Variants in ZNF536 observed in about 807,000 individuals in gnomAD.
ZNF536 encodes zinc finger protein 536.
In ZNF536, 13 loss-of-function variants were observed where a neutral mutation model predicts 84.5. The ratio of observed to expected loss-of-function variants is 0.15; its 90% CI spans 0.10 to 0.24. The LOEUF (loss-of-function observed/expected upper bound fraction) is 0.24. Among genes scored for constraint, ZNF536 ranks in the 10% least tolerant of loss-of-function variants. ZNF536 has a pLI of 1.00. For missense variants in ZNF536, 1,536 were observed against 1,747.5 expected, an observed-to-expected ratio of 0.88 and a Z score of 2.16; for synonymous variants, 811 against 742.5, an observed-to-expected ratio of 1.09 and a Z score of -1.50.
intron 1 of ZNF536, among the ~76,000 whole-genome samples, chr19:30,654,354 A>C (rs899213490): frequency 2.6e-5 from 4 of 152,028 alleles, no homozygotes; most frequent in African/African-American, 7.2e-5. Flanking sequence ...TCATCTGATC[A>C]TCTTCCCACT....
At chr19:30,649,240 G>A (rs188514451) in intron 1 of ZNF536, among the ~76,000 whole-genome samples, 5 of 152,254 alleles carry the variant, frequency 3.3e-5, no homozygotes, top group East Asian at 1.9e-4. Flanking sequence ...TTCCAGAATC[G>A]GACATTCTGT....
At chr19:30,588,349 G>T (rs1476521754) in intron 1 of ZNF536, among the ~76,000 whole-genome samples, 2 of 152,184 alleles carry the variant, frequency 1.3e-5, no homozygotes, top group Non-Finnish European at 2.9e-5. Context: ...GGAATTGAGG[G>T]TCCTGATCAC....
At chr19:30,294,045 A>G (rs1356562764) in intron 2 of ZNF536, among the ~76,000 whole-genome samples, 1 of 152,102 alleles carries the variant, frequency 6.6e-6, no homozygotes, top group Admixed American at 6.6e-5. Context: ...CATGGCCACA[A>G]ATTCATTTGA....
chr19:30,451,002 C>T (rs1252343202), intron 2 of ZNF536, among the ~76,000 whole-genome samples: 1 of 152,274 alleles, frequency 6.6e-6, no homozygotes. Flanking sequence ...CAGGCGGCCG[C>T]CGTGTTTGCG....
chr19:30,696,032 C>T (rs2051643990), intron 1 of ZNF536, among the ~76,000 whole-genome samples: 2 of 152,170 alleles, frequency 1.3e-5, no homozygotes, highest in Non-Finnish European at 2.9e-5. Flanking sequence ...CTAATAATTT[C>T]ACTTAATATT....
intron 3 of ZNF536, among the ~76,000 whole-genome samples, chr19:30,536,983 C>T (rs1051410468): frequency 2.0e-5 from 3 of 152,202 alleles, no homozygotes; most frequent in African/African-American, 7.2e-5. Flanking sequence ...CTTTCTAGAC[C>T]GCTTTCCTTC....
chr19:30,662,739 C>A (rs757816298), intron 1 of ZNF536, among the ~76,000 whole-genome samples: 1 of 151,972 alleles, frequency 6.6e-6, no homozygotes, highest in Non-Finnish European at 1.5e-5. Flanking sequence ...CATGTTAATG[C>A]TGTGTTGTGT....
intron 1 of ZNF536, among the ~76,000 whole-genome samples, chr19:30,422,465 T>C (rs572931499): frequency 3.3e-5 from 5 of 152,286 alleles, no homozygotes; most frequent in Admixed American, 6.5e-5. Context: ...TGCTGAATTT[T>C]ACCTTTTCCT....
At chr19:30,519,232 C>A (rs975337163) in intron 2 of ZNF536, among the ~76,000 whole-genome samples, 1 of 152,246 alleles carries the variant, frequency 6.6e-6, no homozygotes, top group East Asian at 1.9e-4. Context: ...TGGGGTGGGG[C>A]TCCCAAGAGC....
intron 1 of ZNF536, among the ~76,000 whole-genome samples, chr19:30,283,710 A>G (rs1451714530): frequency 1.3e-5 from 2 of 151,188 alleles, no homozygotes; most frequent in Non-Finnish European, 2.9e-5. Context: ...ATTCTAAAGA[A>G]GAGAGACAGC....
At chr19:30,698,261 C>T (rs1422543074) in intron 1 of ZNF536, among the ~76,000 whole-genome samples, 1 of 151,074 alleles carries the variant, frequency 6.6e-6, no homozygotes, top group Non-Finnish European at 1.5e-5. Flanking sequence ...CACTGTACTC[C>T]AGCCTGGGTG....
intron 1 of ZNF536, among the ~76,000 whole-genome samples, chr19:30,619,405 G>A (rs1442829036): frequency 1.3e-5 from 2 of 152,144 alleles, no homozygotes; most frequent in African/African-American, 2.4e-5. Context: ...TGTGAGGTCA[G>A]GAATTCTGTC....
chr19:30,287,295 A>T (rs930405787), intron 2 of ZNF536, among the ~76,000 whole-genome samples: 24 of 137,838 alleles, frequency 1.7e-4, no homozygotes, highest in African/African-American at 6.2e-4. Context: ...GGCTGGATGG[A>T]TGAGTGGACG....
intron 1 of ZNF536, among the ~76,000 whole-genome samples, chr19:30,230,729 C>T (rs1357227720): frequency 6.6e-6 from 1 of 152,170 alleles, no homozygotes; most frequent in Non-Finnish European, 1.5e-5. Context: ...TTTGCTTTGC[C>T]TTAGGTAACC....
At chr19:30,692,687 G>A (rs2051461527) in intron 1 of ZNF536, among the ~76,000 whole-genome samples, 1 of 152,168 alleles carries the variant, frequency 6.6e-6, no homozygotes, top group South Asian at 2.1e-4. Flanking sequence ...ACTGCTGGCG[G>A]TGACAGAGCC....
chr19:30,333,481 C>G (rs184750020), intron 2 of ZNF536, among the ~76,000 whole-genome samples: 4 of 152,198 alleles, frequency 2.6e-5, no homozygotes, highest in African/African-American at 9.6e-5. Flanking sequence ...GCCATGAGGC[C>G]GCTGGTCAAG....
chr19:30,379,065 C>T (rs976171982), intron 1 of ZNF536, among the ~76,000 whole-genome samples: 5 of 152,108 alleles, frequency 3.3e-5, no homozygotes, highest in African/African-American at 4.8e-5. Context: ...ACACATGTGC[C>T]GTCACCTTGA....
intron 1 of ZNF536, among the ~76,000 whole-genome samples, chr19:30,379,877 C>A (rs1013559167): frequency 6.6e-6 from 1 of 152,142 alleles, no homozygotes; most frequent in African/African-American, 2.4e-5. Flanking sequence ...GTGCTAAGTG[C>A]CCTACTTACC....
chr19:30,648,094 C>G (rs1005904411), intron 1 of ZNF536, among the ~76,000 whole-genome samples: 1 of 152,162 alleles, frequency 6.6e-6, no homozygotes, highest in African/African-American at 2.4e-5. Flanking sequence ...TGGGCTCATC[C>G]TCAGATGGAA....
Sources: gnomAD v4.1 joint callset for allele counts (sites outside exome capture counted in the v4.1 genomes callset) on GRCh38, gnomAD v4.1.1 for gene constraint, MANE v1.5 for transcripts, NCBI Gene and HGNC (gene_info 2026-07-23, HGNC 2026-07-21) for gene names.